The following NF1 variants were observed in gnomAD, a reference collection of about 807,000 sequenced individuals.
NF1 encodes neurofibromin 1.
Under a neutral mutation model 325.7 loss-of-function variants are expected in NF1, and 122 were observed. The observed-to-expected ratio is 0.37, with a 90% CI of 0.32 to 0.44. The LOEUF (loss-of-function observed/expected upper bound fraction) is 0.44. Ranked by LOEUF, NF1 falls within the 20% of genes least tolerant of loss-of-function variation. The pLI is 1.00. For synonymous variants in NF1, 1,091 were observed against 1,186.0 expected (o/e 0.92, Z 1.65); for missense variants, 2,140 against 3,415.4 (o/e 0.63, Z 9.31).
intron 11 of NF1, among the ~76,000 whole-genome samples, chr17:31,202,472 A>G (rs911836228): frequency 1.3e-5 from 2 of 152,326 alleles, no homozygotes; most frequent in East Asian, 3.9e-4. Flanking sequence ...AAAATTAACT[A>G]TTGATAAAGC....
intron 1 of NF1, among the ~76,000 whole-genome samples, 194 bp from the exon 2 acceptor site, chr17:31,155,789 T>C (rs1162134420): frequency 6.6e-6 from 1 of 152,180 alleles, no homozygotes; most frequent in Non-Finnish European, 1.5e-5. Flanking sequence ...ATATTGGTGT[T>C]TGAGATGCAA....
chr17:31,318,568 C>A, intron 36 of NF1: 1 of 1,614,084 alleles, frequency 6.2e-7, no homozygotes, highest in South Asian at 1.1e-5. Flanking sequence ...TAGAAAGGTA[C>A]AGATAAGAAA....
chr17:31,215,647 TAATG>T (rs1384180481), intron 13 of NF1, among the ~76,000 whole-genome samples: 2 of 152,222 alleles, frequency 1.3e-5, no homozygotes, highest in African/African-American at 4.8e-5. Context: ...TAACACTAAT[TAATG>T]CACCAAATGT....
rs80116284 is a variant in NF1, at chr17:31,112,223, T to C, written c.60+16854T>C. 3.3e-3 allele frequency among the ~76,000 whole-genome samples: 495 copies of C among 152,272 alleles called. 5 individuals are homozygous for C. The highest frequency in any genetic ancestry group is 0.014 in the South Asian group (69 of 4,828). On this transcript the variant is annotated intron_variant, in intron 1 of 57. Transcript: ENST00000358273. ...TGAAGACAACTCAAATTTTCACCATTACAAATAAAGTTGTCTTGAAGATTC... is the reference window on the plus strand; with the variant it reads ...TGAAGACAACTCAAATTTTCACCATCACAAATAAAGTTGTCTTGAAGATTC...
At chr17:31,304,505 C>G (rs182462384) in intron 36 of NF1, 1 of 1,614,136 alleles carries the variant, frequency 6.2e-7, no homozygotes, top group Non-Finnish European at 8.5e-7. Flanking sequence ...CTAGTAGAAT[C>G]ATTTGGAAGA....
At chr17:31,121,893 C>T (rs1290709608) in intron 1 of NF1, among the ~76,000 whole-genome samples, 1 of 152,112 alleles carries the variant, frequency 6.6e-6, no homozygotes, top group Admixed American at 6.5e-5. Flanking sequence ...TTGACTTTTT[C>T]ATCCTACAAA....
chr17:31,222,730 TC>T lies in NF1; in HGVS notation c.1722-713del, dbSNP rs2066947636. On this transcript the variant is annotated intron_variant, in intron 15 of 57. Coordinates refer to ENST00000358273, the MANE Select transcript of NF1 (RefSeq NM_001042492.3). ...CAATATAAAAGTTATTAATGACATT[TC>T]ATTCTCTTTTTTTTAATAAAGTCTT... 1.0e-5 allele frequency: 2 copies of T among 192,012 alleles called. 1 individual carries two copies. The highest frequency in any genetic ancestry group is 3.7e-4 in the South Asian group (2 of 5,344). The allele number at this position is 192,012 out of a possible 1,614,324, so 11.9% of individuals were successfully genotyped here.
chr17:31,295,419 T>C, intron 36 of NF1: 1 of 1,614,148 alleles, frequency 6.2e-7, no homozygotes, highest in Non-Finnish European at 8.5e-7. Flanking sequence ...CGATATTGTT[T>C]GGGTATTTTG....
At chr17:31,147,605 T>TAATGCTA (rs1916668109) in intron 1 of NF1, among the ~76,000 whole-genome samples, 1 of 152,088 alleles carries the variant, frequency 6.6e-6, no homozygotes, top group Admixed American at 6.6e-5. Flanking sequence ...TTTTAGCAGA[T>TAATGCTA]AATGCCAGTT....
At chr17:31,318,298 C>T (rs1337553739) in intron 36 of NF1, 15 of 1,589,324 alleles carry the variant, frequency 9.4e-6, no homozygotes, top group Non-Finnish European at 1.3e-5. Context: ...TTGCATTTTT[C>T]TTCACTAACC....
chr17:31,358,342 G>A (rs566451415), intron 54 of NF1, 138 bp from the exon 55 acceptor site: 45 of 850,172 alleles, frequency 5.3e-5, no homozygotes, highest in Non-Finnish European at 8.1e-5. Flanking sequence ...ATGAAGAAAT[G>A]CCCCAGAAAG....
chr17:31,286,752 A>G (rs1399914578), intron 36 of NF1, among the ~76,000 whole-genome samples: 1 of 152,226 alleles, frequency 6.6e-6, no homozygotes, highest in Non-Finnish European at 1.5e-5. Context: ...AAATGTGATA[A>G]TGGTTGCTGA....
At chr17:31,367,370 T>C in intron 57 of NF1, 3 of 832,576 alleles carry the variant, frequency 3.6e-6, no homozygotes, top group Non-Finnish European at 5.3e-6. Context: ...CACCGGTCCC[T>C]GTAAGCTCAG....
chr17:31,299,287 A>ATAAG (rs1054249586), intron 36 of NF1, among the ~76,000 whole-genome samples: 1 of 151,846 alleles, frequency 6.6e-6, no homozygotes, highest in Non-Finnish European at 1.5e-5. Context: ...ATAAAAATAA[A>ATAAG]TAAATAAATA....
At chr17:31,195,838 A>G (rs1407942505) in intron 8 of NF1, among the ~76,000 whole-genome samples, 2 of 152,082 alleles carry the variant, frequency 1.3e-5, no homozygotes, top group African/African-American at 4.8e-5. Flanking sequence ...TCATCTGCCA[A>G]TGGATTTTTC....
chr17:31,207,367 A>G (rs1207499358), intron 12 of NF1, among the ~76,000 whole-genome samples: 1 of 152,096 alleles, frequency 6.6e-6, no homozygotes, highest in Non-Finnish European at 1.5e-5. Context: ...GATAATTTAA[A>G]CAGCTTTCTC....
chr17:31,101,552 A>G (rs1458203949), intron 1 of NF1, among the ~76,000 whole-genome samples: 1 of 152,180 alleles, frequency 6.6e-6, no homozygotes, highest in Non-Finnish European at 1.5e-5. Context: ...ATGCCTCTGC[A>G]TGCACCTATG....
chr17:31,117,474 C>T (rs1914029885), intron 1 of NF1, among the ~76,000 whole-genome samples: 1 of 149,730 alleles, frequency 6.7e-6, no homozygotes, highest in Non-Finnish European at 1.5e-5. Context: ...AGATCAAGAC[C>T]ATCCTGGCTA....
chr17:31,195,491 C>A (rs2066419632), intron 8 of NF1, among the ~76,000 whole-genome samples: 1 of 152,122 alleles, frequency 6.6e-6, no homozygotes, highest in African/African-American at 2.4e-5. Context: ...AAAACCTGTT[C>A]ATCTTCCAAA....
Sources: allele counts gnomAD v4.1 joint callset (sites outside exome capture counted in the v4.1 genomes callset), GRCh38; gene constraint gnomAD v4.1.1; transcripts MANE v1.5; gene names NCBI Gene and HGNC (gene_info 2026-07-23, HGNC 2026-07-21).